Variants in LRRC9 observed in about 807,000 individuals in gnomAD.
LRRC9 encodes the protein leucine-rich repeat-containing protein 9.
Under a neutral mutation model 63.2 loss-of-function variants are expected in LRRC9, and 122 were observed. The observed-to-expected ratio is 1.93, with a 90% CI of 1.67 to 2.24. The LOEUF is 2.24. LRRC9 is among the 30% of genes most tolerant of loss of function. The pLI, the probability that LRRC9 is intolerant of heterozygous loss-of-function variation, is 0.00. For synonymous variants in LRRC9, 366 were observed against 213.1 expected, an observed-to-expected ratio of 1.72 and a Z score of -6.25; for missense variants, 1,071 against 627.7, an observed-to-expected ratio of 1.71 and a Z score of -7.55.
At chr14:60,054,282 G>T (rs949988747) in intron 30 of LRRC9, among the ~76,000 whole-genome samples, 1 of 152,026 alleles carries the variant, frequency 6.6e-6, no homozygotes, top group Admixed American at 6.5e-5. Flanking sequence ...GTCAGTTCTT[G>T]TTATTTTAAA....
chr14:59,979,034 T>C (rs908347807), intron 15 of LRRC9, among the ~76,000 whole-genome samples: 3 of 152,210 alleles, frequency 2.0e-5, no homozygotes, highest in African/African-American at 4.8e-5. Context: ...CCAAATGTTA[T>C]ATCTTTTGAC....
chr14:59,943,468 A>G (rs1425218835), intron 7 of LRRC9, among the ~76,000 whole-genome samples: 1 of 150,364 alleles, frequency 6.7e-6, no homozygotes, highest in Admixed American at 6.6e-5. Flanking sequence ...CCAAATAGGC[A>G]AGAAAAAAAA....
At position 59,936,215 on chromosome 14, in the gene LRRC9, A is replaced by G. The variant is rs1381241531; in HGVS notation, c.544-2175A>G. Among the ~76,000 whole-genome samples, 1 of 152,216 alleles carries G rather than the reference A, an allele frequency of 6.6e-6. No individual in the cohort carries two copies. The highest frequency in any genetic ancestry group is 1.9e-4 in the East Asian group (1 of 5,202). On this transcript the variant is annotated intron_variant, in intron 6 of 31. Transcript: ENST00000445360. The surrounding 1 kb of genome is among the most constrained non-coding windows in gnomAD (Gnocchi z 4.2). Reference sequence around the variant, plus strand: ...CAGTATCTTCATTTTAAAAATGATGATAGCAGGATTATTATAAAAATTCAT... The same window carrying G: ...CAGTATCTTCATTTTAAAAATGATGGTAGCAGGATTATTATAAAAATTCAT...
At chr14:59,963,138 A>G (rs920312063) in intron 10 of LRRC9, among the ~76,000 whole-genome samples, 8 of 152,192 alleles carry the variant, frequency 5.3e-5, no homozygotes, top group Admixed American at 1.3e-4. Flanking sequence ...CAGTATTTAA[A>G]TAAAAAGTAT....
At chr14:59,952,331 T>C (rs543976583) in intron 8 of LRRC9, among the ~76,000 whole-genome samples, 1 of 152,212 alleles carries the variant, frequency 6.6e-6, no homozygotes, top group Admixed American at 6.5e-5. Context: ...GCTTCCCAGG[T>C]GAGGCAATGC....
rs1884680479 is a variant in LRRC9 at position 59,964,879 on chromosome 14, T to C, written c.1212-1710T>C. On this transcript the variant is annotated intron_variant, in intron 10 of 31. Coordinates refer to ENST00000445360, the Ensembl canonical transcript of LRRC9. This position sits in a 1 kb window ranked among gnomAD's most constrained non-coding sequence, Gnocchi z 4.4. ...TGGTTTAGGCAGCTCTCCTTTCAACTCTAAGGGAGAAGTAATTTATAAGAT... is the reference window on the plus strand; with the variant it reads ...TGGTTTAGGCAGCTCTCCTTTCAACCCTAAGGGAGAAGTAATTTATAAGAT... Among the ~76,000 whole-genome samples, 4 of 152,286 alleles carry C rather than the reference T, an allele frequency of 2.6e-5. No individual in the cohort carries two copies. Among genetic ancestry groups the C allele is most frequent in the African/African-American group, 9.6e-5 (4 of 41,576 alleles).
intron 12 of LRRC9, among the ~76,000 whole-genome samples, chr14:59,971,716 A>C (rs1040763154): frequency 6.6e-6 from 1 of 152,032 alleles, no homozygotes; most frequent in Non-Finnish European, 1.5e-5. Context: ...CCTTGGAATT[A>C]TGTTCAACCC....
At chr14:59,940,572 C>G (rs910722116) in intron 7 of LRRC9, among the ~76,000 whole-genome samples, 6 of 151,994 alleles carry the variant, frequency 3.9e-5, no homozygotes, top group African/African-American at 1.4e-4. Context: ...GATTCAAGCC[C>G]CCAACTGAAT....
chr14:60,007,926 C>A (rs550026359), intron 22 of LRRC9, among the ~76,000 whole-genome samples, 166 bp from the exon 23 acceptor site: 1 of 121,498 alleles, frequency 8.2e-6, no homozygotes, highest in Admixed American at 9.7e-5. Context: ...AGCAACAGCA[C>A]GAGACCATGT....
At chr14:59,965,920 A>AAAAAAAAATG (rs1274886982) in intron 10 of LRRC9, among the ~76,000 whole-genome samples, 1 of 136,382 alleles carries the variant, frequency 7.3e-6, no homozygotes, top group African/African-American at 2.8e-5. Flanking sequence ...AAAAAAAAAA[A>AAAAAAAAATG]GATACTGGTG....
rs112712884 is a variant in LRRC9 at position 60,053,744 on chromosome 14, G to C, written c.4131+539G>C. The C allele has an allele frequency of 3.4e-5, 12 of 355,354 alleles. No homozygotes were observed. Among genetic ancestry groups the C allele is most frequent in the Non-Finnish European group, 6.5e-5 (12 of 184,846 alleles). The allele number at this position is 355,354 out of a possible 1,614,324, so 22.0% of individuals were successfully genotyped here. A position where few individuals can be genotyped will look rare whatever the true frequency, so the allele number is the denominator to read the frequency against. ...CCCTAAAATGTATCTGATCATGGTAGGAAAGAGATTAAAAAGGGAAGAAAT... is the reference window on the plus strand; with the variant it reads ...CCCTAAAATGTATCTGATCATGGTACGAAAGAGATTAAAAAGGGAAGAAAT... On this transcript the variant is annotated intron_variant, in intron 30 of 31. Transcript: ENST00000445360. The surrounding 1 kb of genome is among the most constrained non-coding windows in gnomAD (Gnocchi z 4.8).
At chr14:60,022,743 G>A (rs750854904) in exon 27 of LRRC9, 29 of 647,038 alleles carry the variant, frequency 4.5e-5, no homozygotes, top group South Asian at 1.4e-4. Flanking sequence ...GAGATATAAT[G>A]AGCAGTGAAA....
At chr14:60,066,296 T>G (rs1421612055), downstream of LRRC9, among the ~76,000 whole-genome samples, 1 of 152,108 alleles carries the variant, frequency 6.6e-6, no homozygotes, top group African/African-American at 2.4e-5. Flanking sequence ...TCACTCTTCA[T>G]AAGCTATCTT....
chr14:59,996,922 T>C (rs1264312165), intron 17 of LRRC9, among the ~76,000 whole-genome samples: 1 of 152,166 alleles, frequency 6.6e-6, no homozygotes, highest in Admixed American at 6.5e-5. Flanking sequence ...TAAAGATCTA[T>C]AGTAAAATGT....
chr14:59,995,471 A>G (rs1888662896), intron 17 of LRRC9, among the ~76,000 whole-genome samples: 1 of 152,198 alleles, frequency 6.6e-6, no homozygotes, highest in Admixed American at 6.5e-5. Context: ...GCTAAGCTAC[A>G]TTTAGAGAAT....
In LRRC9 at chr14:60,016,688, ATTTG is replaced by A; in HGVS notation, c.3220_3223del (p.Phe1074ValfsTer8). 1 of 700,514 alleles carries A rather than the reference ATTTG, an allele frequency of 1.4e-6. No individual in the cohort carries two copies. Among genetic ancestry groups the A allele is most frequent in the East Asian group, 2.7e-5 (1 of 37,210 alleles). The allele number at this position is 700,514 out of a possible 1,614,324, so 43.4% of individuals were successfully genotyped here. A position where few individuals can be genotyped will look rare whatever the true frequency, so the allele number is the denominator to read the frequency against. ...CCATCAGAGACTGACAGTGCAAAAG[ATTTG>A]TTTGGTGGTAGACTTACTTCTGACA... is the stretch of plus-strand genomic sequence containing the variant. On this transcript the variant is annotated frameshift_variant, in exon 24 of 32. Transcript: ENST00000445360. LOFTEE classifies it high-confidence loss of function.
downstream of LRRC9, among the ~76,000 whole-genome samples, chr14:60,066,462 T>C (rs1894885318): frequency 6.6e-6 from 1 of 152,140 alleles, no homozygotes; most frequent in African/African-American, 2.4e-5. Context: ...CAAATTCCTT[T>C]GGTTATTCAG....
chr14:60,058,693 T>C lies in LRRC9; in HGVS notation c.4276+671T>C, dbSNP rs1894456151. Among the ~76,000 whole-genome samples, 1 of 152,186 alleles carries C rather than the reference T, an allele frequency of 6.6e-6. No homozygotes were observed. Among genetic ancestry groups the C allele is most frequent in the African/African-American group, 2.4e-5 (1 of 41,458 alleles). ...AGTACTCCTTCTCTGAGGGCTCACC[T>C]CTTCCAGTCCTTCTGACTTCCCATT... On this transcript the variant is annotated intron_variant, in intron 31 of 31. Coordinates refer to ENST00000445360, the Ensembl canonical transcript of LRRC9. This position sits in a 1 kb window ranked among gnomAD's most constrained non-coding sequence, Gnocchi z 4.4.
intron 13 of LRRC9, among the ~76,000 whole-genome samples, chr14:59,975,168 T>C (rs1886128444): frequency 1.4e-5 from 1 of 71,232 alleles, no homozygotes; most frequent in Admixed American, 2.0e-4. Context: ...TATATATGTA[T>C]ATATATATAC....
Sources: gnomAD v4.1 joint callset for allele counts (sites outside exome capture counted in the v4.1 genomes callset) on GRCh38, gnomAD v4.1.1 for gene constraint, Gnocchi (gnomAD v3.1) non-coding constraint, MANE v1.5 for transcripts, NCBI Gene and HGNC (gene_info 2026-07-23, HGNC 2026-07-21) for gene names.